Variants in PON3 observed in about 807,000 individuals in gnomAD.
The protein encoded by PON3 is paraoxonase 3, also known as serum paraoxonase/lactonase 3.
Under a neutral mutation model 36.3 loss-of-function variants are expected in PON3, and 37 were observed. The observed-to-expected ratio is 1.02, with a 90% CI of 0.78 to 1.34. The LOEUF is 1.34. Ranked by LOEUF, PON3 falls within the 40% of genes most tolerant of loss-of-function variation. The pLI, the probability that PON3 is intolerant of heterozygous loss-of-function variation, is 0.00. For missense variants in PON3, 415 were observed against 426.5 expected (o/e 0.97, Z 0.24); for synonymous variants, 155 against 154.8 (o/e 1.00, Z -0.01).
In PON3 at chr7:95,362,454, C is replaced by T. The variant is rs771688097; in HGVS notation, c.814G>A (p.Val272Ile). Reference protein sequence around the residue: ...QLGTLVDNLTVDPATGDILAG... With the variant: ...QLGTLVDNLTIDPATGDILAG... ...AAAATGTCTCCTGTGGCAGGATCGA[C>T]AGTCAGGTTATCCACTAAGGTGCCC... The change falls in exon 8 of 9, where the codon GTC becomes ATC. Residue 272 changes from valine (V) to isoleucine (I), a missense_variant. Val to Ile is a conservative substitution (Grantham distance 29). Transcript: ENST00000265627. The T allele has an allele frequency of 2.5e-6, 4 of 1,613,724 alleles. No individual in the cohort carries two copies. The highest frequency in any genetic ancestry group is 3.4e-6 in the Non-Finnish European group (4 of 1,179,768).
At chr7:95,396,227 G>T (rs544226086) in intron 1 of PON3, 50 bp downstream of exon 1, 46 of 1,593,994 alleles carry the variant, frequency 2.9e-5, no homozygotes, top group Admixed American at 2.0e-4. Flanking sequence ...GACCTCACTT[G>T]GAAGAGGAGA....
In PON3 at chr7:95,383,668, G is replaced by C. The variant is rs1268459813; in HGVS notation, c.201+6486C>G. On this transcript the variant is annotated intron_variant, in intron 3 of 8. Transcript: ENST00000265627. ...CAAGGGATGTGAAGGACCTCTTCAA[G>C]GAGAACTACAAACCACTGCTCAACA... 2.6e-5 allele frequency among the ~76,000 whole-genome samples: 4 copies of C among 152,104 alleles called. No homozygotes were observed. In the East Asian group the frequency reaches 7.7e-4, roughly 29 times the overall value.
intron 6 of PON3, among the ~76,000 whole-genome samples, chr7:95,363,160 T>G (rs1327527989): frequency 6.6e-6 from 1 of 151,848 alleles, no homozygotes; most frequent in African/African-American, 2.4e-5. Flanking sequence ...AGGCCAAAAG[T>G]GTATATACTT....
chr7:95,376,190 T>C (rs1433633052), intron 3 of PON3, among the ~76,000 whole-genome samples: 1 of 152,158 alleles, frequency 6.6e-6, no homozygotes. Flanking sequence ...GGGAAGACTC[T>C]CCTGAGGAAG....
In PON3 at chr7:95,360,005, C is replaced by T. The variant is rs776316071; in HGVS notation, c.1033G>A (p.Val345Ile). The change falls in exon 9 of 9, where the codon GTA becomes ATA. Residue 345 changes from valine to isoleucine, a missense_variant. Physicochemically the swap from Val to Ile is conservative, Grantham distance 29. Transcript: ENST00000265627. ...TCACAGTACAGAGTTTTGTGAAATA[C>T]GGTGCCTATGAGAATTTTCCCATGG... ...VYHGKILIGT[V>I]FHKTLYCEL is the part of the protein sequence containing the mutation. The T allele has an allele frequency of 1.1e-5, 17 of 1,609,632 alleles. No individual in the cohort carries two copies. Among genetic ancestry groups the T allele is most frequent in the African/African-American group, 5.4e-5 (4 of 73,748 alleles).
chr7:95,362,563 AC>A (rs1808596682), intron 7 of PON3, 73 bp from the exon 8 acceptor site: 6 of 1,599,988 alleles, frequency 3.8e-6, no homozygotes, highest in Non-Finnish European at 5.1e-6. Flanking sequence ...CATCCCCACA[AC>A]CCCTACAGCT....
At chr7:95,391,674 A>G (rs1474866603) in intron 2 of PON3, among the ~76,000 whole-genome samples, 1 of 152,172 alleles carries the variant, frequency 6.6e-6, no homozygotes, top group African/African-American at 2.4e-5. Context: ...ACTATACCCT[A>G]CCTAAAATCC....
chr7:95,395,440 T>TA (rs1809407446), intron 1 of PON3, among the ~76,000 whole-genome samples: 1 of 152,146 alleles, frequency 6.6e-6, no homozygotes, highest in Non-Finnish European at 1.5e-5. Flanking sequence ...TTACTATTAT[T>TA]TTATGATTCT....
intron 3 of PON3, among the ~76,000 whole-genome samples, chr7:95,381,509 T>C (rs1809053792): frequency 1.3e-5 from 2 of 151,956 alleles, no homozygotes; most frequent in Non-Finnish European, 1.5e-5. Flanking sequence ...CAGAGGAAGA[T>C]CTACTAAAGA....
chr7:95,383,379 A>G (rs1809109267), intron 3 of PON3, among the ~76,000 whole-genome samples: 2 of 152,342 alleles, frequency 1.3e-5, no homozygotes, highest in African/African-American at 4.8e-5. Flanking sequence ...AAAGAAATAA[A>G]GGATATTCAA....
At chr7:95,393,454 G>T (rs1809363431) in intron 2 of PON3, among the ~76,000 whole-genome samples, 1 of 152,182 alleles carries the variant, frequency 6.6e-6, no homozygotes. Context: ...AGGTGAGAAG[G>T]TGAAAGAACA....
Position 95,380,528 on chromosome 7 carries a change from C to G in PON3, c.202-8190G>C, listed in dbSNP as rs192045529. Among the ~76,000 whole-genome samples the G allele has an allele frequency of 5.2e-3, 798 of 152,264 alleles. 4 individuals are homozygous for G. The highest frequency in any genetic ancestry group is 0.02 in the Middle Eastern group (6 of 294). On this transcript the variant is annotated intron_variant, in intron 3 of 8. Transcript: ENST00000265627. ...TTAAAGGACCTGATGGAGCTGAAAACCATGGCATGAGAACTACGTGATGAA... is the reference window on the plus strand; with the variant it reads ...TTAAAGGACCTGATGGAGCTGAAAAGCATGGCATGAGAACTACGTGATGAA...
intron 4 of PON3, among the ~76,000 whole-genome samples, chr7:95,367,859 A>G (rs1808732751): frequency 6.6e-6 from 1 of 152,254 alleles, no homozygotes; most frequent in African/African-American, 2.4e-5. Flanking sequence ...AGTGCAAGCA[A>G]ACAAAACTTT....
At chr7:95,362,264 A>G (rs754607896) in intron 8 of PON3, 98 bp downstream of exon 8, 53 of 1,516,178 alleles carry the variant, frequency 3.5e-5, no homozygotes, top group African/African-American at 1.1e-4. Context: ...CTTTAGTTCT[A>G]TAACACCAAA....
At chr7:95,371,119 A>G (rs1808798946) in intron 4 of PON3, among the ~76,000 whole-genome samples, 1 of 152,212 alleles carries the variant, frequency 6.6e-6, no homozygotes, top group Admixed American at 6.5e-5. Context: ...TATAGCATGC[A>G]TGAGTAGTTC....
rs1003439596 is a variant in PON3, at chr7:95,367,551, G to C, written c.368-63C>G. 2.5e-6 allele frequency: 4 copies of C among 1,579,554 alleles called. No individual in the cohort carries two copies. In the African/African-American group the frequency reaches 5.4e-5, roughly 21 times the overall value. ...CCCTATCACAACTAATATTAGACTT[G>C]TTTTAAAACTTGGTCACTTCCAAAA... On this transcript the variant is annotated intron_variant, in intron 4 of 8. Coordinates refer to ENST00000265627, the MANE Select transcript of PON3 (RefSeq NM_000940.3).
At chr7:95,381,184 C>A (rs1247404180) in intron 3 of PON3, among the ~76,000 whole-genome samples, 1 of 152,150 alleles carries the variant, frequency 6.6e-6, no homozygotes, top group Non-Finnish European at 1.5e-5. Context: ...GCCTGCCCTA[C>A]AAGAGCTCCT....
At chr7:95,362,880 A>G (rs1808605306) in intron 6 of PON3, 39 bp from the exon 7 acceptor site, 1 of 1,419,914 alleles carries the variant, frequency 7.0e-7, no homozygotes, top group South Asian at 1.1e-5. Context: ...GCAAGTGGTA[A>G]TGAGAGACAA....
chr7:95,391,647 C>T (rs569236376), intron 2 of PON3, among the ~76,000 whole-genome samples: 37 of 152,318 alleles, frequency 2.4e-4, no homozygotes, highest in African/African-American at 8.7e-4. Context: ...AATTTTTCTC[C>T]AGCTCTGTTA....
Sources: allele counts gnomAD v4.1 joint callset (sites outside exome capture counted in the v4.1 genomes callset), GRCh38; gene constraint gnomAD v4.1.1; transcripts MANE v1.5; gene names NCBI Gene and HGNC (gene_info 2026-07-23, HGNC 2026-07-21).